Variants in MAP2K6 observed in about 807,000 individuals in gnomAD.
The protein encoded by MAP2K6 is mitogen-activated protein kinase kinase 6, also known as dual specificity mitogen-activated protein kinase kinase 6.
In MAP2K6, 16 loss-of-function variants were observed where a neutral mutation model predicts 53.7. The observed-to-expected ratio is 0.30, with a 90% CI of 0.20 to 0.45. The LOEUF is 0.45. Ranked by LOEUF, MAP2K6 falls within the 20% of genes least tolerant of loss-of-function variation. The pLI is 1.00. For synonymous variants in MAP2K6, 132 were observed against 143.1 expected (o/e 0.92, Z 0.55); for missense variants, 204 against 411.9 (o/e 0.50, Z 4.37).
In MAP2K6 at chr17:69,494,517, A is replaced by G. The variant is rs552359027; in HGVS notation, c.17-11263A>G. On this transcript the variant is annotated intron_variant, in intron 1 of 11. Coordinates refer to ENST00000590474, the MANE Select transcript of MAP2K6 (RefSeq NM_002758.4). The surrounding 1 kb of genome is among the most constrained non-coding windows in gnomAD (Gnocchi z 4.2). ...TGTCTTTAAAAAAAAAAAGAAAGGAAAAAACAAAATGAATGGAGAGCCCCT... is the reference window on the plus strand; with the variant it reads ...TGTCTTTAAAAAAAAAAAGAAAGGAGAAAACAAAATGAATGGAGAGCCCCT... 6.6e-6 allele frequency among the ~76,000 whole-genome samples: 1 copy of G among 151,988 alleles called. No individual in the cohort carries two copies. Among genetic ancestry groups the G allele is most frequent in the African/African-American group, 2.4e-5 (1 of 41,392 alleles).
chr17:69,481,996 G>A (rs1409417351), intron 1 of MAP2K6, among the ~76,000 whole-genome samples: 1 of 152,098 alleles, frequency 6.6e-6, no homozygotes, highest in Non-Finnish European at 1.5e-5. Context: ...GGGTGGCTGT[G>A]AGATTTAAAT....
chr17:69,483,143 A>T (rs1908407375), intron 1 of MAP2K6, among the ~76,000 whole-genome samples: 1 of 151,996 alleles, frequency 6.6e-6, no homozygotes, highest in African/African-American at 2.4e-5. Flanking sequence ...GGAAAAGAAG[A>T]AGTAAGATGA....
At chr17:69,519,622 G>A (rs1238677119) in intron 5 of MAP2K6, 190 bp downstream of exon 5, 3 of 606,582 alleles carry the variant, frequency 4.9e-6, no homozygotes, top group Non-Finnish European at 8.2e-6. Context: ...ATTTTCAAAT[G>A]TGGTTAGCCT....
At chr17:69,537,241 G>C (rs368798777) in intron 11 of MAP2K6, among the ~76,000 whole-genome samples, 1 of 152,110 alleles carries the variant, frequency 6.6e-6, no homozygotes, top group African/African-American at 2.4e-5. Context: ...CACATTTTTG[G>C]GGGGGAGAAA....
At chr17:69,521,735 G>A (rs551004868) in intron 7 of MAP2K6, 1 of 137,226 alleles carries the variant, frequency 7.3e-6, no homozygotes, top group Admixed American at 8.1e-5. Flanking sequence ...CCCCTGAGAG[G>A]TATCTGAGAA....
At chr17:69,512,489 G>A (rs2716210) in intron 2 of MAP2K6, among the ~76,000 whole-genome samples, 71 of 151,434 alleles carry the variant, frequency 4.7e-4, no homozygotes, top group Non-Finnish European at 9.1e-4. Context: ...ACAGGCACCC[G>A]CCACCATGCC....
chr17:69,524,888 G>T lies in MAP2K6; in HGVS notation c.664-13G>T. The T allele has an allele frequency of 2.5e-6, 4 of 1,602,686 alleles. No individual in the cohort carries two copies. The highest frequency in any genetic ancestry group is 3.4e-6 in the Non-Finnish European group (4 of 1,170,042). On this transcript the variant is annotated splice_polypyrimidine_tract_variant and intron_variant, in intron 8 of 11. Coordinates refer to ENST00000590474, the MANE Select transcript of MAP2K6 (RefSeq NM_002758.4). ...TGTCTTCCCAGTTTCTCAGTTGTCT[G>T]TCTTCTTTCCAGCCTGAAAGAATAA...
At chr17:69,515,299 G>A (rs1339640671) in intron 2 of MAP2K6, among the ~76,000 whole-genome samples, 1 of 151,982 alleles carries the variant, frequency 6.6e-6, no homozygotes, top group African/African-American at 2.4e-5. Context: ...TGGGATTACA[G>A]GCATGCGCCA....
At chr17:69,473,074 T>G (rs1908035140) in intron 1 of MAP2K6, among the ~76,000 whole-genome samples, 1 of 152,210 alleles carries the variant, frequency 6.6e-6, no homozygotes, top group African/African-American at 2.4e-5. Flanking sequence ...TGTGTCTTGG[T>G]CTTTATTTAG....
intron 7 of MAP2K6, 109 bp downstream of exon 7, chr17:69,521,209 G>T (rs1234934376): frequency 2.2e-6 from 2 of 911,104 alleles, no homozygotes; most frequent in Admixed American, 2.2e-5. Flanking sequence ...AATTGACTCA[G>T]GCAAGAGAAC....
rs375918596 is a variant in MAP2K6, at chr17:69,428,862, TTG to T, written c.16+13864_16+13865del. On this transcript the variant is annotated intron_variant, in intron 1 of 11. Coordinates refer to ENST00000590474, the MANE Select transcript of MAP2K6 (RefSeq NM_002758.4). Reference sequence around the variant, plus strand: ...CCTGCCCTTTCTTCTGTTTTTGTTTTTGTTTTTTTTTTTTTTAATTGTTAATG... The same window carrying T: ...CCTGCCCTTTCTTCTGTTTTTGTTTTTTTTTTTTTTTTTTAATTGTTAATG... 1.5e-3 allele frequency among the ~76,000 whole-genome samples: 172 copies of T among 112,232 alleles called. 25 individuals carry two copies. The highest frequency in any genetic ancestry group is 5.6e-3 in the East Asian group (21 of 3,736). The allele number at this position is 112,232 out of a possible 152,430, so 73.6% of individuals were successfully genotyped here.
intron 1 of MAP2K6, among the ~76,000 whole-genome samples, chr17:69,423,726 G>T (rs1456633072): frequency 4.6e-5 from 7 of 152,090 alleles, no homozygotes; most frequent in Non-Finnish European, 1.0e-4. Flanking sequence ...CCGTCCTGGG[G>T]TCTTTTCCCC....
At chr17:69,446,707 C>G (rs1442871339) in intron 1 of MAP2K6, among the ~76,000 whole-genome samples, 2 of 152,174 alleles carry the variant, frequency 1.3e-5, no homozygotes, top group Non-Finnish European at 2.9e-5. Flanking sequence ...CTCATTGCTT[C>G]TGCTTACCCT....
chr17:69,549,462 C>T lies in MAP2K6; in HGVS notation c.*7709C>T, dbSNP rs1317037077. The T allele has an allele frequency of 6.6e-6, 1 of 152,146 alleles. No individual in the cohort carries two copies. Among genetic ancestry groups the T allele is most frequent in the Non-Finnish European group, 1.5e-5 (1 of 68,038 alleles). 9.4% of individuals were successfully genotyped at this position (152,146 alleles called of 1,614,324 possible). On this transcript the variant is annotated 3_prime_UTR_variant, in exon 12 of 12. Transcript: ENST00000590474. ...TTCTGTTTTCCTTTGCTACAATTTG[C>T]TTGTTATTTCTCTGCCGGTCACAGA...
intron 11 of MAP2K6, among the ~76,000 whole-genome samples, chr17:69,541,445 A>G (rs1248590428): frequency 1.3e-5 from 2 of 152,140 alleles, no homozygotes; most frequent in Non-Finnish European, 2.9e-5. Flanking sequence ...TTAAAATTTA[A>G]TATAGTGGAA....
chr17:69,515,063 C>A (rs894157999), intron 2 of MAP2K6, among the ~76,000 whole-genome samples: 1 of 152,002 alleles, frequency 6.6e-6, no homozygotes, highest in African/African-American at 2.4e-5. Context: ...TGCTCACCCT[C>A]TTTCCCTCTT....
chr17:69,496,525 G>C (rs1021302485), intron 1 of MAP2K6, among the ~76,000 whole-genome samples: 3 of 151,552 alleles, frequency 2.0e-5, no homozygotes, highest in African/African-American at 7.3e-5. Context: ...TGTGCCCCAC[G>C]CCCGGCTAAT....
At chr17:69,480,424 G>C (rs1414370836) in intron 1 of MAP2K6, among the ~76,000 whole-genome samples, 5 of 152,206 alleles carry the variant, frequency 3.3e-5, no homozygotes, top group Non-Finnish European at 7.3e-5. Flanking sequence ...CAGCTTTTCA[G>C]AGAGCAAAGC....
chr17:69,442,598 C>T (rs1326474764), intron 1 of MAP2K6, among the ~76,000 whole-genome samples: 3 of 152,164 alleles, frequency 2.0e-5, no homozygotes, highest in Admixed American at 6.5e-5. Flanking sequence ...ATATATATCA[C>T]ACAGTGAACC....
Sources: gnomAD v4.1 joint callset for allele counts (sites outside exome capture counted in the v4.1 genomes callset) on GRCh38, gnomAD v4.1.1 for gene constraint, Gnocchi (gnomAD v3.1) non-coding constraint, MANE v1.5 for transcripts, NCBI Gene and HGNC (gene_info 2026-07-23, HGNC 2026-07-21) for gene names.